CAB39: variants seen among roughly 807,000 people sequenced by gnomAD.
CAB39 encodes calcium binding protein 39, also known as calcium-binding protein 39.
A neutral mutation model predicts 40.0 loss-of-function variants in CAB39; 8 were observed. That is an observed-to-expected ratio of 0.20 (90% CI 0.12 to 0.36). The LOEUF (loss-of-function observed/expected upper bound fraction) is 0.36. CAB39 is among the 10% of genes least tolerant of loss of function. The pLI is 1.00. For synonymous variants in CAB39, 156 were observed against 141.6 expected (o/e 1.10, Z -0.72); for missense variants, 270 against 401.1 (o/e 0.67, Z 2.79).
intron 1 of CAB39, among the ~76,000 whole-genome samples, chr2:230,748,839 T>TATATAC (rs1217287791): frequency 1.5e-5 from 1 of 66,252 alleles, no homozygotes. Flanking sequence ...AAAATATATA[T>TATATAC]ATATATATAT....
chr2:230,782,754 C>T (rs193200329), intron 2 of CAB39, among the ~76,000 whole-genome samples: 252 of 151,310 alleles, frequency 1.7e-3, no homozygotes, highest in African/African-American at 4.9e-3. Context: ...TTTCCAACAC[C>T]GCAAGTATTT....
intron 2 of CAB39, among the ~76,000 whole-genome samples, chr2:230,773,298 GTA>G (rs555144903): frequency 0.015 from 1,973 of 127,744 alleles, 25 homozygotes; most frequent in African/African-American, 0.039. Context: ...GGGTGTATGT[GTA>G]TATATATATA....
At chr2:230,729,093 A>G (rs1435035359) in intron 1 of CAB39, among the ~76,000 whole-genome samples, 1 of 152,248 alleles carries the variant, frequency 6.6e-6, no homozygotes, top group African/African-American at 2.4e-5. Flanking sequence ...CTTATTTTAC[A>G]CATTATGAAA....
intron 7 of CAB39, among the ~76,000 whole-genome samples, chr2:230,817,219 A>G (rs988143711): frequency 6.6e-6 from 1 of 152,188 alleles, no homozygotes; most frequent in African/African-American, 2.4e-5. Context: ...AAAAATACTC[A>G]CTTGTGTAAA....
chr2:230,720,277 T>C (rs962540878), intron 1 of CAB39, among the ~76,000 whole-genome samples: 11 of 152,222 alleles, frequency 7.2e-5, no homozygotes, highest in African/African-American at 2.7e-4. Flanking sequence ...CTGTGGTTGG[T>C]ATTAATCCCC....
intron 1 of CAB39, among the ~76,000 whole-genome samples, chr2:230,715,089 A>G (rs923614976): frequency 6.6e-6 from 1 of 151,960 alleles, no homozygotes; most frequent in Non-Finnish European, 1.5e-5. Flanking sequence ...TTTTCTGTGT[A>G]TTTTTTCTTT....
At chr2:230,803,948 G>C (rs984237738) in intron 5 of CAB39, among the ~76,000 whole-genome samples, 1 of 152,050 alleles carries the variant, frequency 6.6e-6, no homozygotes, top group African/African-American at 2.4e-5. Context: ...CAAGACAATC[G>C]TAAGCACAAA....
chr2:230,734,874 G>A (rs779747611), intron 1 of CAB39, among the ~76,000 whole-genome samples: 2 of 152,106 alleles, frequency 1.3e-5, no homozygotes, highest in African/African-American at 4.8e-5. Context: ...TGCCCCACCC[G>A]GGTGGAACAC....
intron 2 of CAB39, among the ~76,000 whole-genome samples, chr2:230,764,348 C>T (rs887713127): frequency 1.3e-5 from 2 of 152,128 alleles, no homozygotes; most frequent in Non-Finnish European, 2.9e-5. Flanking sequence ...CCATGATAGG[C>T]TATTGTGTTC....
intron 1 of CAB39, among the ~76,000 whole-genome samples, chr2:230,749,141 A>G (rs1008145463): frequency 3.3e-5 from 5 of 151,536 alleles, no homozygotes; most frequent in Non-Finnish European, 7.4e-5. Context: ...TCTTATATAT[A>G]CATATGTTAC....
chr2:230,814,350 G>C (rs996271817), intron 7 of CAB39, among the ~76,000 whole-genome samples: 1 of 152,072 alleles, frequency 6.6e-6, no homozygotes, highest in African/African-American at 2.4e-5. Flanking sequence ...GTTTGAAGAA[G>C]ACTTCATCTC....
intron 1 of CAB39, among the ~76,000 whole-genome samples, chr2:230,748,831 A>AAATAT (rs1386799920): frequency 9.1e-4 from 26 of 28,500 alleles, no homozygotes; most frequent in African/African-American, 1.9e-3. Context: ...AAAAAAAAAA[A>AAATAT]ATATATATAT....
At chr2:230,715,359 C>G (rs545646059) in intron 1 of CAB39, among the ~76,000 whole-genome samples, 70 of 152,254 alleles carry the variant, frequency 4.6e-4, no homozygotes, top group African/African-American at 1.6e-3. Flanking sequence ...GACTTGGATC[C>G]TCTTGCTTGT....
chr2:230,785,069 A>G, intron 2 of CAB39, among the ~76,000 whole-genome samples: 1 of 152,186 alleles, frequency 6.6e-6, no homozygotes, highest in Non-Finnish European at 1.5e-5. Flanking sequence ...CGGTGTGCCT[A>G]ATTCTGTCCA....
At chr2:230,790,697 G>A (rs766697315) in intron 2 of CAB39, among the ~76,000 whole-genome samples, 175 bp from the exon 3 acceptor site, 5 of 152,210 alleles carry the variant, frequency 3.3e-5, no homozygotes, top group South Asian at 2.1e-4. Flanking sequence ...CCATGTGCAC[G>A]CAGACATAGC....
intron 2 of CAB39, chr2:230,779,412 A>T (rs919601814): frequency 2.0e-5 from 3 of 152,368 alleles, no homozygotes; most frequent in African/African-American, 7.2e-5. Context: ...TCCCTCCCAG[A>T]CGAGTCAGCA....
intron 2 of CAB39, among the ~76,000 whole-genome samples, chr2:230,767,417 C>G (rs1205925328): frequency 6.6e-6 from 1 of 152,206 alleles, no homozygotes; most frequent in East Asian, 1.9e-4. Flanking sequence ...ACTGTAGTGT[C>G]CTGCTCACTG....
intron 2 of CAB39, among the ~76,000 whole-genome samples, chr2:230,789,329 A>G (rs558097095): frequency 6.6e-6 from 1 of 152,164 alleles, no homozygotes; most frequent in East Asian, 1.9e-4. Flanking sequence ...GAGTATTTTA[A>G]TGTCCTTGTT....
chr2:230,783,379 T>C (rs905251937), intron 2 of CAB39, among the ~76,000 whole-genome samples: 3 of 152,226 alleles, frequency 2.0e-5, no homozygotes, highest in Admixed American at 2.0e-4. Context: ...ACTGCAGTTA[T>C]TTTTTCACAT....
Sources: allele counts gnomAD v4.1 joint callset (sites outside exome capture counted in the v4.1 genomes callset), GRCh38; gene constraint gnomAD v4.1.1; transcripts MANE v1.5; gene names NCBI Gene and HGNC (gene_info 2026-07-23, HGNC 2026-07-21).